The following FAR1 variants were observed in gnomAD, a reference collection of about 807,000 sequenced individuals.
FAR1 encodes the protein fatty acyl-CoA reductase 1.
In FAR1, 22 loss-of-function variants were observed where a neutral mutation model predicts 61.1. The observed-to-expected ratio is 0.36, with a 90% CI of 0.26 to 0.51. FAR1 has a LOEUF of 0.51. Ranked by LOEUF, FAR1 falls within the 20% of genes least tolerant of loss-of-function variation. FAR1 has a pLI of 0.95. For missense variants in FAR1, 359 were observed against 626.9 expected (o/e 0.57, Z 4.56); for synonymous variants, 206 against 209.7 (o/e 0.98, Z 0.15).
At chr11:13,695,507 C>T (rs968444797) in intron 2 of FAR1, among the ~76,000 whole-genome samples, 20 of 152,018 alleles carry the variant, frequency 1.3e-4, no homozygotes, top group African/African-American at 4.4e-4. Flanking sequence ...AATTATTTCA[C>T]GATCATAAGT....
At chr11:13,672,544 C>CAAGAAAA (rs1848018666) in intron 1 of FAR1, among the ~76,000 whole-genome samples, 1 of 111,514 alleles carries the variant, frequency 9.0e-6, no homozygotes, top group African/African-American at 3.4e-5. Context: ...GACCCTGTCT[C>CAAGAAAA]AAAAAAAAAA....
intron 6 of FAR1, 36 bp downstream of exon 6, chr11:13,711,844 C>T: frequency 1.3e-6 from 2 of 1,563,174 alleles, no homozygotes; most frequent in African/African-American, 2.7e-5. Context: ...ATATTCTATA[C>T]ATTTTTCTGC....
intron 1 of FAR1, among the ~76,000 whole-genome samples, chr11:13,683,310 T>C (rs1162663824): frequency 2.0e-5 from 3 of 151,890 alleles, no homozygotes; most frequent in African/African-American, 7.3e-5. Context: ...GGAGAATTGC[T>C]TGAACCTGGG....
chr11:13,707,625 A>T (rs1381996986), intron 3 of FAR1, among the ~76,000 whole-genome samples: 1 of 152,170 alleles, frequency 6.6e-6, no homozygotes, highest in Non-Finnish European at 1.5e-5. Context: ...TAAAGACTGA[A>T]ATTATCTGTT....
intron 4 of FAR1, 96 bp from the exon 5 acceptor site, chr11:13,710,597 C>G: frequency 9.6e-7 from 1 of 1,040,694 alleles, no homozygotes; most frequent in South Asian, 1.9e-5. Flanking sequence ...TGAGTCAGAA[C>G]AGCAGATATG....
intron 1 of FAR1, among the ~76,000 whole-genome samples, chr11:13,694,081 C>T (rs1220996978): frequency 1.3e-5 from 2 of 152,140 alleles, no homozygotes; most frequent in East Asian, 1.9e-4. Flanking sequence ...ATGAATTCTT[C>T]TGCACCTTGT....
At chr11:13,714,744 G>A in intron 9 of FAR1, 64 bp downstream of exon 9, 1 of 1,400,994 alleles carries the variant, frequency 7.1e-7, no homozygotes, top group Non-Finnish European at 9.7e-7. Context: ...ACACTAAAAT[G>A]CATATTAACT....
intron 10 of FAR1, among the ~76,000 whole-genome samples, chr11:13,725,732 T>G (rs1848661873): frequency 6.6e-6 from 1 of 152,112 alleles, no homozygotes; most frequent in Admixed American, 6.6e-5. Context: ...TATCTTATCT[T>G]TTAGATATGT....
chr11:13,677,061 G>A (rs1318379963), intron 1 of FAR1, among the ~76,000 whole-genome samples: 1 of 152,106 alleles, frequency 6.6e-6, no homozygotes, highest in African/African-American at 2.4e-5. Context: ...AGTCTATTGT[G>A]CTTATTTATT....
chr11:13,670,750 T>C (rs1279839199), intron 1 of FAR1, among the ~76,000 whole-genome samples: 1 of 151,408 alleles, frequency 6.6e-6, no homozygotes, highest in Non-Finnish European at 1.5e-5. Context: ...AGACATGGTA[T>C]GTATGCATCA....
chr11:13,669,029 C>T (rs946474714), intron 1 of FAR1, among the ~76,000 whole-genome samples: 1 of 152,146 alleles, frequency 6.6e-6, no homozygotes, highest in Admixed American at 6.5e-5. Context: ...TTCACAGGGC[C>T]GGGACCGCGT....
intron 1 of FAR1, among the ~76,000 whole-genome samples, chr11:13,673,040 G>C (rs1848027864): frequency 6.6e-6 from 1 of 152,144 alleles, no homozygotes; most frequent in Non-Finnish European, 1.5e-5. Flanking sequence ...AGACAAAATG[G>C]AAGTGCTGGA....
intron 1 of FAR1, among the ~76,000 whole-genome samples, chr11:13,671,968 A>G (rs1018234742): frequency 6.6e-6 from 1 of 152,252 alleles, no homozygotes; most frequent in Non-Finnish European, 1.5e-5. Context: ...ACTGAGGAAT[A>G]CACTGTTTAG....
chr11:13,686,902 G>A (rs1848192948), intron 1 of FAR1, among the ~76,000 whole-genome samples: 1 of 152,162 alleles, frequency 6.6e-6, no homozygotes. Context: ...GAAGTTCTCT[G>A]TGATTCTCCA....
chr11:13,717,881 C>T (rs1848572209), intron 9 of FAR1, among the ~76,000 whole-genome samples: 1 of 152,032 alleles, frequency 6.6e-6, no homozygotes, highest in East Asian at 1.9e-4. Flanking sequence ...ATAGCAGTCT[C>T]TTCATTTTTT....
chr11:13,715,711 CTT>C (rs1175565108), intron 9 of FAR1: 1 of 152,080 alleles, frequency 6.6e-6, no homozygotes, highest in Non-Finnish European at 1.5e-5. Flanking sequence ...ATCCCGCAAA[CTT>C]AAAGATCTCC....
At chr11:13,700,726 A>G (rs1848361681) in intron 3 of FAR1, among the ~76,000 whole-genome samples, 2 of 152,124 alleles carry the variant, frequency 1.3e-5, no homozygotes, top group African/African-American at 4.8e-5. Context: ...GAATTTAAAC[A>G]TGCAACAGGG....
chr11:13,716,622 TCAAGGGGGAAGTCTTTTAG>T (rs964268316), intron 9 of FAR1, among the ~76,000 whole-genome samples: 1 of 152,170 alleles, frequency 6.6e-6, no homozygotes, highest in Admixed American at 6.5e-5. Flanking sequence ...GCTGATGGCT[TCAAGGGGGAAGTCTTTTAG>T]CAAGTAAGGT....
intron 4 of FAR1, among the ~76,000 whole-genome samples, chr11:13,710,080 G>A (rs1480076639): frequency 1.3e-5 from 2 of 151,988 alleles, no homozygotes; most frequent in Admixed American, 6.6e-5. Context: ...GTTCATCATA[G>A]CATTTGTTAA....
Sources: gnomAD v4.1 joint callset for allele counts (sites outside exome capture counted in the v4.1 genomes callset) on GRCh38, gnomAD v4.1.1 for gene constraint, MANE v1.5 for transcripts, NCBI Gene and HGNC (gene_info 2026-07-23, HGNC 2026-07-21) for gene names.